Variants in RIGI observed in about 807,000 individuals in gnomAD.
The protein encoded by RIGI is RNA sensor RIG-I.
the RIGI span, chr9:32,466,554 C>G: frequency 1.1e-6 from 1 of 929,166 alleles, no homozygotes; most frequent in Non-Finnish European, 1.6e-6. Flanking sequence ...TTCACTGAAT[C>G]CCACTTCCCA....
the RIGI span, among the ~76,000 whole-genome samples, chr9:32,516,773 G>A: frequency 3.9e-5 from 6 of 152,168 alleles, no homozygotes; most frequent in African/African-American, 1.2e-4. Flanking sequence ...GTCTGGCCAA[G>A]TTAGTGTCTT....
the RIGI span, among the ~76,000 whole-genome samples, chr9:32,457,851 G>A: frequency 3.3e-5 from 5 of 152,202 alleles, no homozygotes; most frequent in Non-Finnish European, 7.3e-5. Context: ...AGGGACTAAT[G>A]TGTCCACAGG....
chr9:32,458,263 A>T, the RIGI span, among the ~76,000 whole-genome samples: 2 of 152,236 alleles, frequency 1.3e-5, no homozygotes, highest in African/African-American at 4.8e-5. Context: ...AGGCTGCAAT[A>T]GAAGGCTAAT....
At chr9:32,485,147 A>G in the RIGI span, 1 of 1,511,872 alleles carries the variant, frequency 6.6e-7, no homozygotes, top group Admixed American at 2.0e-5. Flanking sequence ...CCCAGTAGAG[A>G]GAACACAAAA....
the RIGI span, chr9:32,459,425 G>T: frequency 6.2e-7 from 1 of 1,613,758 alleles, no homozygotes; most frequent in South Asian, 1.1e-5. Context: ...ACTTTCTGCA[G>T]AGCAGTTTTT....
the RIGI span, among the ~76,000 whole-genome samples, chr9:32,513,301 ATG>A: frequency 6.6e-6 from 1 of 152,254 alleles, no homozygotes; most frequent in Admixed American, 6.5e-5. Context: ...TGAAGGCATC[ATG>A]CTACCTGACT....
chr9:32,505,086 A>T, the RIGI span, among the ~76,000 whole-genome samples: 1 of 145,380 alleles, frequency 6.9e-6, no homozygotes, highest in Non-Finnish European at 1.5e-5. Context: ...TATTAAATAT[A>T]TAATAGATAC....
the RIGI span, chr9:32,498,246 A>T: frequency 2.2e-6 from 1 of 456,178 alleles, no homozygotes; most frequent in Middle Eastern, 3.3e-4. Context: ...CAAAAACTCC[A>T]CCCTTGGATC....
the RIGI span, among the ~76,000 whole-genome samples, chr9:32,472,731 CT>C: frequency 9.2e-5 from 14 of 152,196 alleles, no homozygotes; most frequent in African/African-American, 2.9e-4. Flanking sequence ...CAAGAAATCT[CT>C]GTATATATGC....
chr9:32,506,113 G>T, the RIGI span, among the ~76,000 whole-genome samples: 5 of 152,130 alleles, frequency 3.3e-5, no homozygotes, highest in African/African-American at 1.2e-4. Flanking sequence ...AGCTACTCAG[G>T]AGGCTGAGGT....
At chr9:32,476,362 G>T in the RIGI span, among the ~76,000 whole-genome samples, 12 of 152,076 alleles carry the variant, frequency 7.9e-5, no homozygotes, top group South Asian at 4.1e-4. Context: ...AGCTGGGCAT[G>T]GTGGCAGATG....
At chr9:32,512,553 T>C in the RIGI span, among the ~76,000 whole-genome samples, 2 of 152,200 alleles carry the variant, frequency 1.3e-5, no homozygotes, top group African/African-American at 4.8e-5. Context: ...AAACTAGGTA[T>C]TGATGGAATG....
the RIGI span, among the ~76,000 whole-genome samples, chr9:32,486,453 CAAAAA>C: frequency 4.9e-5 from 3 of 60,828 alleles, no homozygotes; most frequent in African/African-American, 5.9e-5. Flanking sequence ...GACTCTGTCT[CAAAAA>C]AAAAAAAAAA....
the RIGI span, among the ~76,000 whole-genome samples, chr9:32,512,254 A>C: frequency 6.6e-6 from 1 of 152,330 alleles, no homozygotes; most frequent in Non-Finnish European, 1.5e-5. Flanking sequence ...AACCTGGCAG[A>C]GGCAAAACCA....
the RIGI span, among the ~76,000 whole-genome samples, chr9:32,499,441 C>T: frequency 7.0e-6 from 1 of 143,716 alleles, no homozygotes; most frequent in Non-Finnish European, 1.5e-5. Flanking sequence ...TTTTTAAATA[C>T]AGGGTTTATT....
the RIGI span, among the ~76,000 whole-genome samples, chr9:32,521,544 C>T: frequency 5.9e-5 from 9 of 152,164 alleles, no homozygotes; most frequent in African/African-American, 2.2e-4. Flanking sequence ...TGACAGACTT[C>T]CCAACAGCAA....
chr9:32,503,205 T>C, the RIGI span, among the ~76,000 whole-genome samples: 1 of 152,078 alleles, frequency 6.6e-6, no homozygotes, highest in Non-Finnish European at 1.5e-5. Context: ...ATTACAGATA[T>C]TCCACGTGGA....
chr9:32,481,250 G>C, the RIGI span: 6 of 1,331,060 alleles, frequency 4.5e-6, no homozygotes, highest in Non-Finnish European at 5.2e-6. Flanking sequence ...CTTGAGGACA[G>C]GATGAGAAGT....
the RIGI span, chr9:32,492,363 G>A: frequency 1.2e-6 from 2 of 1,613,298 alleles, no homozygotes; most frequent in South Asian, 2.2e-5. Context: ...GTCCTAAGTA[G>A]AGCTGTGAGG....
Sources: allele counts gnomAD v4.1 joint callset (sites outside exome capture counted in the v4.1 genomes callset), GRCh38; gene constraint gnomAD v4.1.1; transcripts MANE v1.5; gene names NCBI Gene and HGNC (gene_info 2026-07-23, HGNC 2026-07-21).